The following ZNF623 variants were observed in gnomAD, a reference collection of about 807,000 sequenced individuals.
The protein encoded by ZNF623 is zinc finger protein 623.
Under a neutral mutation model 24.0 loss-of-function variants are expected in ZNF623, and 16 were observed. The ratio of observed to expected loss-of-function variants is 0.67; its 90% CI spans 0.45 to 1.01. ZNF623 has a LOEUF of 1.01. Among genes scored for constraint, ZNF623 ranks in the 50% least tolerant of loss-of-function variants. The pLI is 0.00. For synonymous variants in ZNF623, 224 were observed against 219.8 expected, an observed-to-expected ratio of 1.02 and a Z score of -0.17; for missense variants, 566 against 606.5, an observed-to-expected ratio of 0.93 and a Z score of 0.70.
chr8:143,637,288 A>G (rs1049284106), intron 1 of ZNF623, among the ~76,000 whole-genome samples: 1 of 152,020 alleles, frequency 6.6e-6, no homozygotes, highest in East Asian at 1.9e-4. Flanking sequence ...TCCACGTCTC[A>G]CTCGGTTGCC....
rs1170546918 is a variant in ZNF623, at chr8:143,653,176, A to T, written c.*1693A>T. ...GTTCGAAAGCAGGCGAGGTAAATGG[A>T]CAGTGGACAGCCGCCTCGCCAAACT... On this transcript the variant is annotated 3_prime_UTR_variant, in exon 2 of 2. Coordinates refer to ENST00000526926, the MANE Select transcript of ZNF623 (RefSeq NM_001261843.2). 1.2e-5 allele frequency: 2 copies of T among 167,086 alleles called. No individual in the cohort carries two copies. The highest frequency in any genetic ancestry group is 4.8e-5 in the African/African-American group (2 of 41,456). 10.4% of individuals were successfully genotyped at this position (167,086 alleles called of 1,614,324 possible). A position where few individuals can be genotyped will look rare whatever the true frequency, so the allele number is the denominator to read the frequency against.
rs556255449 is a variant in ZNF623 at position 143,653,644 on chromosome 8, T to G, written c.*2161T>G. The G allele has an allele frequency of 2.0e-4, 33 of 167,238 alleles. 1 individual carries two copies. In the East Asian group the frequency reaches 5.6e-3, roughly 28 times the overall value. 10.4% of individuals were successfully genotyped at this position (167,238 alleles called of 1,614,324 possible). A position where few individuals can be genotyped will look rare whatever the true frequency, so the allele number is the denominator to read the frequency against. On this transcript the variant is annotated 3_prime_UTR_variant, in exon 2 of 2. Coordinates refer to ENST00000526926, the MANE Select transcript of ZNF623 (RefSeq NM_001261843.2). ...CCTCATAGATTAGTGTTGCTTGGTT[T>G]AGAGCCTCATACAAATGGATTCATT...
At chr8:143,646,546 C>CGCGTGT (rs1815179944) in intron 1 of ZNF623, among the ~76,000 whole-genome samples, 1 of 149,354 alleles carries the variant, frequency 6.7e-6, no homozygotes, top group Non-Finnish European at 1.5e-5. Context: ...GGGGTGTGTG[C>CGCGTGT]GTGTGTGTGT....
At position 143,636,164 on chromosome 8, in the gene ZNF623, A is replaced by T. The variant is rs1462442930; in HGVS notation, c.-96+19A>T. ...GCGCCGGGTGAGTGGCGCGTTCCGG[A>T]CGGGGGCGGGCAACGCCTTAGCCGC... On this transcript the variant is annotated intron_variant, in intron 1 of 1. Transcript: ENST00000526926. 6.6e-6 allele frequency: 1 copy of T among 151,778 alleles called. No homozygotes were observed. The highest frequency in any genetic ancestry group is 1.5e-5 in the Non-Finnish European group (1 of 67,896). The allele number at this position is 151,778 out of a possible 1,614,324, so 9.4% of individuals were successfully genotyped here. A position where few individuals can be genotyped will look rare whatever the true frequency, so the allele number is the denominator to read the frequency against.
In ZNF623 at chr8:143,650,374, G is replaced by C. The variant is rs1415590237; in HGVS notation, c.382G>C (p.Glu128Gln). The C allele has an allele frequency of 6.2e-7, 1 of 1,614,158 alleles. No individual in the cohort carries two copies. The highest frequency in any genetic ancestry group is 8.5e-7 in the Non-Finnish European group (1 of 1,180,028). ...CTTTGGCCAGAGCTCACACCTTATG[G>C]AGCATCAGAGAATTCACACTGGAGA... ...KGFGQSSHLM[E>Q]HQRIHTGERL... The change falls in exon 2 of 2, where the codon GAG becomes CAG. Residue 128 changes from glutamate to glutamine, a missense_variant. Physicochemically the swap from Glu to Gln is conservative, Grantham distance 29 (BLOSUM62 2). Around this residue, in one of 3 missense-constraint regions of ZNF623, gnomAD observed 313 missense variants for 300.4 expected, o/e 1.04. Transcript: ENST00000526926. This position sits in a 1 kb window ranked among gnomAD's most constrained non-coding sequence, Gnocchi z 5.2.
intron 1 of ZNF623, chr8:143,649,639 T>C: frequency 3.9e-6 from 2 of 506,528 alleles, no homozygotes. Flanking sequence ...CAGGATTCAC[T>C]AATGGTCAGA....
chr8:143,643,384 CTT>C (rs755005869), intron 1 of ZNF623, among the ~76,000 whole-genome samples: 1 of 152,220 alleles, frequency 6.6e-6, no homozygotes, highest in African/African-American at 2.4e-5. Context: ...ATGCATGCTG[CTT>C]TAAGCTGCTG....
chr8:143,638,687 G>A (rs1218475615), intron 1 of ZNF623, among the ~76,000 whole-genome samples: 2 of 151,768 alleles, frequency 1.3e-5, no homozygotes, highest in South Asian at 4.2e-4. Context: ...GCAGGGAGGT[G>A]GAGATTGCAG....
intron 1 of ZNF623, among the ~76,000 whole-genome samples, chr8:143,643,094 C>A (rs908017009): frequency 6.6e-6 from 1 of 152,172 alleles, no homozygotes; most frequent in African/African-American, 2.4e-5. Context: ...AGATTAGATG[C>A]GTGAGAAAAA....
rs759802722 is a variant in ZNF623, at chr8:143,651,492, C to T, written c.*9C>T. ...ACACAGGTAACTTATAAAATAATTACTTTCCCGCCCAGTGAGTGATGTTTG... is the reference window on the plus strand; with the variant it reads ...ACACAGGTAACTTATAAAATAATTATTTTCCCGCCCAGTGAGTGATGTTTG... On this transcript the variant is annotated 3_prime_UTR_variant, in exon 2 of 2. Coordinates refer to ENST00000526926, the MANE Select transcript of ZNF623 (RefSeq NM_001261843.2). 2 of 1,543,210 alleles carry T rather than the reference C, an allele frequency of 1.3e-6. No individual in the cohort carries two copies. The highest frequency in any genetic ancestry group is 2.5e-5 in the South Asian group (2 of 78,922).
chr8:143,637,452 GC>G (rs779037930), intron 1 of ZNF623, among the ~76,000 whole-genome samples: 1 of 152,172 alleles, frequency 6.6e-6, no homozygotes, highest in African/African-American at 2.4e-5. Context: ...GGCTTCTAAT[GC>G]CAGATGGGAC....
rs1815382402 is a variant in ZNF623, at chr8:143,653,318, A to C, written c.*1835A>C. 1.8e-5 allele frequency: 3 copies of C among 167,038 alleles called. No homozygotes were observed. 10.3% of individuals were successfully genotyped at this position (167,038 alleles called of 1,614,324 possible). Reference sequence around the variant, plus strand: ...AGTTCTTAAATACTACCAACCCTGAACGTCTCAGGACAAATAATTCAAAAA... The same window carrying C: ...AGTTCTTAAATACTACCAACCCTGACCGTCTCAGGACAAATAATTCAAAAA... On this transcript the variant is annotated 3_prime_UTR_variant, in exon 2 of 2. Transcript: ENST00000526926.
chr8:143,646,182 C>T (rs149496129), intron 1 of ZNF623, among the ~76,000 whole-genome samples: 69 of 152,208 alleles, frequency 4.5e-4, no homozygotes, highest in Non-Finnish European at 7.6e-4. Context: ...GCTGGGACCA[C>T]AGGTATGCAA....
chr8:143,638,370 T>TAA (rs1563696193), intron 1 of ZNF623, among the ~76,000 whole-genome samples: 7 of 149,026 alleles, frequency 4.7e-5, no homozygotes, highest in African/African-American at 1.7e-4. Flanking sequence ...TCTCAAAAGT[T>TAA]AAAAAAATTA....
Position 143,641,100 on chromosome 8 carries a change from T to G in ZNF623, c.-96+4955T>G, listed in dbSNP as rs184218052. Among the ~76,000 whole-genome samples the G allele has an allele frequency of 2.5e-3, 374 of 152,278 alleles. 2 individuals are homozygous for G. The highest frequency in any genetic ancestry group is 3.6e-3 in the Non-Finnish European group (242 of 68,020). ...TATAGTTGCTTCCTCCACTGAAGTC[T>G]CAAACCCCTCAAAGATTCATGAGGG... On this transcript the variant is annotated intron_variant, in intron 1 of 1. Transcript: ENST00000526926.
Position 143,649,986 on chromosome 8 carries a change from C to G in ZNF623, c.-7C>G. ...CACATAGGACGACGTCAGACAGACT[C>G]ACGGTGATGGAGCTCCCCTCTCCCG... On this transcript the variant is annotated 5_prime_UTR_variant, in exon 2 of 2. An upstream open reading frame in the 5' UTR gains an earlier in-frame stop. Transcript: ENST00000526926. The G allele has an allele frequency of 6.2e-7, 1 of 1,614,182 alleles. No individual in the cohort carries two copies. The highest frequency in any genetic ancestry group is 8.5e-7 in the Non-Finnish European group (1 of 1,180,036).
Position 143,650,525 on chromosome 8 carries a change from A to G in ZNF623, c.533A>G (p.His178Arg). The G allele has an allele frequency of 6.2e-7, 1 of 1,614,186 alleles. No homozygotes were observed. Among genetic ancestry groups the G allele is most frequent in the Non-Finnish European group, 8.5e-7 (1 of 1,180,038 alleles). The change falls in exon 2 of 2, where the codon CAC becomes CGC. Residue 178 changes from histidine to arginine, a missense_variant. Coordinates refer to ENST00000526926, the MANE Select transcript of ZNF623 (RefSeq NM_001261843.2). The surrounding 1 kb of genome is among the most constrained non-coding windows in gnomAD (Gnocchi z 5.2). ...GCGCAGTGTGGGAAGGCGTTTTGTC[A>G]CAGTTCAGACCTGATTAGGCACCAG... is the stretch of plus-strand genomic sequence containing the variant. ...KCAQCGKAFC[H>R]SSDLIRHQRV...
At position 143,639,993 on chromosome 8, in the gene ZNF623, A is replaced by T. The variant is rs977861119; in HGVS notation, c.-96+3848A>T. Among the ~76,000 whole-genome samples, 5 of 152,186 alleles carry T rather than the reference A, an allele frequency of 3.3e-5. No individual in the cohort carries two copies. In the South Asian group the frequency reaches 1.0e-3, roughly 31 times the overall value. The stretch of plus-strand genomic sequence containing the variant: ...TTAGTAATTTGATGGGGTTTCTAAC[A>T]CTTAAAGGAAGAAGGAAACAGGAAT... On this transcript the variant is annotated intron_variant, in intron 1 of 1. Coordinates refer to ENST00000526926, the MANE Select transcript of ZNF623 (RefSeq NM_001261843.2).
intron 1 of ZNF623, among the ~76,000 whole-genome samples, chr8:143,640,044 A>G (rs998215826): frequency 6.6e-6 from 1 of 152,246 alleles, no homozygotes; most frequent in Non-Finnish European, 1.5e-5. Flanking sequence ...TGGCTACCCA[A>G]GTGTCCAGTG....
Sources: allele counts gnomAD v4.1 joint callset (sites outside exome capture counted in the v4.1 genomes callset), GRCh38; gene constraint gnomAD v4.1.1; regional missense constraint gnomAD v4.1.1; non-coding constraint Gnocchi (gnomAD v3.1); transcripts MANE v1.5; gene names NCBI Gene and HGNC (gene_info 2026-07-23, HGNC 2026-07-21).